The following AACS variants were observed in gnomAD, a reference collection of about 807,000 sequenced individuals.
The protein encoded by AACS is acetoacetyl-CoA synthetase.
A neutral mutation model predicts 83.1 loss-of-function variants in AACS; 69 were observed. The observed-to-expected ratio is 0.83, with a 90% CI of 0.68 to 1.01. The LOEUF (loss-of-function observed/expected upper bound fraction) is 1.01, where lower values mean the gene tolerates loss of function less well. Ranked by LOEUF, AACS falls within the 50% of genes least tolerant of loss-of-function variation. AACS has a pLI of 0.00. For missense variants in AACS, 866 were observed against 882.2 expected (o/e 0.98, Z 0.23); for synonymous variants, 333 against 343.4 (o/e 0.97, Z 0.33).
chr12:125,115,260 GTTTT>G (rs1160254486), intron 9 of AACS, among the ~76,000 whole-genome samples: 1 of 132,910 alleles, frequency 7.5e-6, no homozygotes. Flanking sequence ...TCTGTGCTGA[GTTTT>G]TTTTTTTTTT....
At chr12:125,086,633 C>T (rs548685470) in intron 4 of AACS, among the ~76,000 whole-genome samples, 190 bp downstream of exon 4, 8 of 152,286 alleles carry the variant, frequency 5.3e-5, no homozygotes, top group South Asian at 2.1e-4. Flanking sequence ...TGCTGCTCTG[C>T]GAAGGCAGGA....
At chr12:125,090,186 CTCCA>C (rs1272645041) in intron 4 of AACS, among the ~76,000 whole-genome samples, 22 of 119,652 alleles carry the variant, frequency 1.8e-4, no homozygotes, top group East Asian at 2.9e-4. Flanking sequence ...ACATTCTTCT[CTCCA>C]TCTACCCATT....
intron 17 of AACS, 117 bp downstream of exon 17, chr12:125,136,981 G>T: frequency 2.0e-6 from 2 of 995,444 alleles, no homozygotes; most frequent in Non-Finnish European, 1.5e-6. Context: ...TGTCCACGTT[G>T]CCTAGCAACG....
chr12:125,093,884 G>T (rs1030507755), intron 5 of AACS, among the ~76,000 whole-genome samples: 2 of 152,230 alleles, frequency 1.3e-5, no homozygotes, highest in Non-Finnish European at 2.9e-5. Flanking sequence ...GTCGGCATTT[G>T]GTGGCTTCGT....
intron 8 of AACS, among the ~76,000 whole-genome samples, chr12:125,112,670 C>A (rs1956978385): frequency 2.1e-5 from 1 of 48,030 alleles, no homozygotes; most frequent in Non-Finnish European, 3.7e-5. Flanking sequence ...CAGAGCGAGA[C>A]TCTGTCTCAA....
At chr12:125,072,253 G>A (rs1337485974) in intron 1 of AACS, among the ~76,000 whole-genome samples, 1 of 152,030 alleles carries the variant, frequency 6.6e-6, no homozygotes, top group Non-Finnish European at 1.5e-5. Flanking sequence ...GAGCTTCTGG[G>A]CTAAAGCGAT....
At position 125,136,647 on chromosome 12, in the gene AACS, C is replaced by G. The variant is rs750971812; in HGVS notation, c.1679-15C>G. On this transcript the variant is annotated splice_polypyrimidine_tract_variant and intron_variant, in intron 16 of 17. Transcript: ENST00000316519. ...GGCCCCCTGCGTGAATGTGCACCCTCTCCTGTCTCCACAGTGGAATCCTTC... is the reference window on the plus strand; with the variant it reads ...GGCCCCCTGCGTGAATGTGCACCCTGTCCTGTCTCCACAGTGGAATCCTTC... 9 of 1,612,226 alleles carry G rather than the reference C, an allele frequency of 5.6e-6. No homozygotes were observed. The highest frequency in any genetic ancestry group is 7.6e-6 in the Non-Finnish European group (9 of 1,179,448).
chr12:125,098,142 T>C lies in AACS; in HGVS notation c.571-4537T>C, dbSNP rs368241530. On this transcript the variant is annotated intron_variant, in intron 5 of 17. Transcript: ENST00000316519. ...GTCTCTCTCCCAGATTAAATATTCT[T>C]TAGAGGGCTGGGCTGGGTAGCTTAC... is the stretch of plus-strand genomic sequence containing the variant. Among the ~76,000 whole-genome samples the C allele has an allele frequency of 2.0e-3, 312 of 152,264 alleles. 1 individual carries two copies. Among genetic ancestry groups the C allele is most frequent in the African/African-American group, 6.9e-3 (288 of 41,556 alleles).
At position 125,129,407 on chromosome 12, in the gene AACS, G is replaced by C. The variant is rs768199273; in HGVS notation, c.1496G>C (p.Trp499Ser). ...ATCCCTTGCCAGCCCACACACTTCT[G>C]GAACGATGAGAACGGCAACAAGTAC... Reference protein sequence around the residue: ...KPIPCQPTHFWNDENGNKYRK... With the variant: ...KPIPCQPTHFSNDENGNKYRK... The change falls in exon 14 of 18, where the codon TGG (tryptophan) becomes TCG (serine). Residue 499 changes from tryptophan (W) to serine (S), a missense_variant. Physicochemically the swap from Trp to Ser is radical, Grantham distance 177. Coordinates refer to ENST00000316519, the MANE Select transcript of AACS (RefSeq NM_023928.5). This position sits in a 1 kb window ranked among gnomAD's most constrained non-coding sequence, Gnocchi z 4.3. 2 of 1,614,060 alleles carry C rather than the reference G, an allele frequency of 1.2e-6. No homozygotes were observed. Among genetic ancestry groups the C allele is most frequent in the Non-Finnish European group, 1.7e-6 (2 of 1,180,010 alleles).
At chr12:125,139,544 C>T (rs1331566891) in intron 17 of AACS, 1 of 152,344 alleles carries the variant, frequency 6.6e-6, no homozygotes, top group African/African-American at 2.4e-5. Flanking sequence ...GTGCCCAGAA[C>T]GCAGTCCCCG....
At chr12:125,077,800 C>T (rs1472014920) in intron 3 of AACS, among the ~76,000 whole-genome samples, 13 of 152,054 alleles carry the variant, frequency 8.5e-5, no homozygotes, top group Non-Finnish European at 1.8e-4. Context: ...CCTCTGCCTC[C>T]TGAGTTCAGG....
intron 2 of AACS, 119 bp from the exon 3 acceptor site, chr12:125,076,372 T>G: frequency 5.0e-6 from 7 of 1,390,326 alleles, no homozygotes; most frequent in South Asian, 2.7e-5. Context: ...GGCCAATGAG[T>G]GAGCTGGCTT....
chr12:125,092,314 C>CGTCA (rs1956503522), intron 5 of AACS, among the ~76,000 whole-genome samples: 1 of 152,248 alleles, frequency 6.6e-6, no homozygotes, highest in South Asian at 2.1e-4. Flanking sequence ...CTGTGCCGTC[C>CGTCA]GTCAGTCAGC....
At chr12:125,135,344 C>T (rs924178130) in intron 16 of AACS, among the ~76,000 whole-genome samples, 12 of 152,098 alleles carry the variant, frequency 7.9e-5, no homozygotes, top group Admixed American at 2.6e-4. Flanking sequence ...ATCCGCCTGC[C>T]TCGGCCTCCC....
chr12:125,091,688 G>A (rs1194055630), intron 5 of AACS, among the ~76,000 whole-genome samples, 165 bp downstream of exon 5: 16 of 152,216 alleles, frequency 1.1e-4, no homozygotes, highest in Admixed American at 9.2e-4. Flanking sequence ...AAGGACTTGC[G>A]TCTGGTTCTT....
At chr12:125,086,565 G>A in intron 4 of AACS, 122 bp downstream of exon 4, 1 of 848,344 alleles carries the variant, frequency 1.2e-6, no homozygotes, top group East Asian at 2.5e-5. Context: ...AACCTTGTGG[G>A]ACTTGGACTC....
intron 9 of AACS, chr12:125,118,423 C>T (rs1307826823): frequency 6.9e-6 from 4 of 583,008 alleles, no homozygotes; most frequent in Non-Finnish European, 1.2e-5. Context: ...AACAGACATT[C>T]TGTGACACAT....
chr12:125,132,525 T>C (rs1341789529), intron 14 of AACS, among the ~76,000 whole-genome samples: 1 of 151,986 alleles, frequency 6.6e-6, no homozygotes, highest in Non-Finnish European at 1.5e-5. Context: ...TGAGTAGCCA[T>C]ACAGGCGTGC....
intron 3 of AACS, among the ~76,000 whole-genome samples, chr12:125,082,882 G>C (rs1477368288): frequency 6.6e-6 from 1 of 152,170 alleles, no homozygotes; most frequent in Non-Finnish European, 1.5e-5. Context: ...ACTGAAAAGC[G>C]ATGATCAATC....
Sources: gnomAD v4.1 joint callset for allele counts (sites outside exome capture counted in the v4.1 genomes callset) on GRCh38, gnomAD v4.1.1 for gene constraint, Gnocchi (gnomAD v3.1) non-coding constraint, MANE v1.5 for transcripts, NCBI Gene and HGNC (gene_info 2026-07-23, HGNC 2026-07-21) for gene names.